Variants in CLNK observed in about 807,000 individuals in gnomAD.
CLNK encodes cytokine-dependent hematopoietic cell linker.
Under a neutral mutation model 68.6 loss-of-function variants are expected in CLNK, and 74 were observed. That is an observed-to-expected ratio of 1.08 (90% CI 0.89 to 1.31). The LOEUF (loss-of-function observed/expected upper bound fraction) is 1.31. Among genes scored for constraint, CLNK ranks in the 50% most tolerant of loss-of-function variants. The pLI is 0.00. For synonymous variants in CLNK, 198 were observed against 172.2 expected, an observed-to-expected ratio of 1.15 and a Z score of -1.17; for missense variants, 553 against 515.3, an observed-to-expected ratio of 1.07 and a Z score of -0.71.
intron 11 of CLNK, among the ~76,000 whole-genome samples, chr4:10,537,650 T>TCC (rs1718827704): frequency 1.8e-5 from 1 of 54,600 alleles, no homozygotes; most frequent in African/African-American, 7.9e-5. Flanking sequence ...TTTCTTTCTT[T>TCC]CTTTCTTTCT....
At chr4:10,634,278 T>C (rs1032686897) in intron 2 of CLNK, among the ~76,000 whole-genome samples, 2 of 152,120 alleles carry the variant, frequency 1.3e-5, no homozygotes, top group Non-Finnish European at 2.9e-5. Context: ...AAGTTTTGGA[T>C]ATAAAAGGAG....
the CLNK span, among the ~76,000 whole-genome samples, chr4:10,704,682 C>G: frequency 2.9e-4 from 44 of 152,270 alleles, no homozygotes; most frequent in African/African-American, 9.4e-4. Context: ...TTGATAGACT[C>G]TTTGTGCCCA....
At chr4:10,507,475 T>C (rs1226366480) in intron 17 of CLNK, among the ~76,000 whole-genome samples, 2 of 145,524 alleles carry the variant, frequency 1.4e-5, no homozygotes, top group African/African-American at 2.6e-5. Flanking sequence ...TTTATTTATT[T>C]ATTTTTGAGA....
intron 2 of CLNK, among the ~76,000 whole-genome samples, chr4:10,654,120 G>T (rs1723861947): frequency 6.6e-6 from 1 of 152,046 alleles, no homozygotes; most frequent in African/African-American, 2.4e-5. Flanking sequence ...CAAATGTGAT[G>T]CTAACCAGCA....
the CLNK span, among the ~76,000 whole-genome samples, chr4:10,724,266 C>T: frequency 1.3e-5 from 2 of 152,116 alleles, no homozygotes; most frequent in African/African-American, 4.8e-5. Flanking sequence ...TGCTGGATAC[C>T]TGCATGGATA....
chr4:10,534,046 A>G (rs939010222), intron 11 of CLNK, among the ~76,000 whole-genome samples: 1 of 152,226 alleles, frequency 6.6e-6, no homozygotes, highest in Non-Finnish European at 1.5e-5. Context: ...CAGTTTTACT[A>G]AGATTCTTTA....
At chr4:10,589,064 C>T (rs1405450782) in intron 3 of CLNK, among the ~76,000 whole-genome samples, 3 of 152,100 alleles carry the variant, frequency 2.0e-5, no homozygotes, top group Non-Finnish European at 4.4e-5. Flanking sequence ...TGAATTTTTG[C>T]TAAGAGAGTA....
chr4:10,715,895 G>C, the CLNK span, among the ~76,000 whole-genome samples: 1 of 152,300 alleles, frequency 6.6e-6, no homozygotes, highest in South Asian at 2.1e-4. Flanking sequence ...AATGCATTAA[G>C]AGCTCGTAGC....
chr4:10,637,663 T>C (rs1723146383), intron 2 of CLNK, among the ~76,000 whole-genome samples: 1 of 147,220 alleles, frequency 6.8e-6, no homozygotes, highest in Non-Finnish European at 1.5e-5. Context: ...GGTGTGATTT[T>C]GGCTCACTGC....
chr4:10,566,121 T>A lies in CLNK; in HGVS notation c.180A>T (p.Gly60=). The A allele has an allele frequency of 1.2e-6, 2 of 1,613,852 alleles. No homozygotes were observed. Among genetic ancestry groups the A allele is most frequent in the Non-Finnish European group, 1.7e-6 (2 of 1,179,832 alleles). The change falls in exon 6 of 19, where the codon GGA becomes GGT. Residue 60 remains glycine (G), a synonymous_variant. Transcript: ENST00000226951. ...AGTCATCATCACTGTGGCCTTTTGC[T>A]CCATCCAGGACTGCAGCAAAGTTTC... The part of the protein sequence containing the change: ...WERNFAAVLD[G]AKGHSDDDYD...
At chr4:10,612,806 A>G (rs938669997) in intron 2 of CLNK, among the ~76,000 whole-genome samples, 6 of 152,214 alleles carry the variant, frequency 3.9e-5, no homozygotes, top group Non-Finnish European at 8.8e-5. Context: ...CAATCATTAT[A>G]TCTCATCTGT....
At position 10,679,443 on chromosome 4, in the gene CLNK, G is replaced by C. The variant is rs944323895; in HGVS notation, c.-43+5225C>G. On this transcript the variant is annotated intron_variant, in intron 1 of 18. Transcript: ENST00000226951. ...AGAAAACCTAGGCAATACCATTCAG[G>C]ACATAGGCATGGGCAAGGACTTCAT... is the stretch of plus-strand genomic sequence containing the variant. Among the ~76,000 whole-genome samples, 14 of 152,250 alleles carry C rather than the reference G, an allele frequency of 9.2e-5. No individual in the cohort carries two copies. The East Asian group carries it at 2.7e-3, about 29-fold the overall frequency.
chr4:10,601,388 A>G (rs991172977), intron 2 of CLNK, among the ~76,000 whole-genome samples: 1 of 152,234 alleles, frequency 6.6e-6, no homozygotes, highest in Non-Finnish European at 1.5e-5. Context: ...AGGCTGGAAA[A>G]TAAAGAGCCA....
At chr4:10,628,694 C>T (rs1320443396) in intron 2 of CLNK, among the ~76,000 whole-genome samples, 2 of 152,118 alleles carry the variant, frequency 1.3e-5, no homozygotes, top group Non-Finnish European at 1.5e-5. Flanking sequence ...GCTCAGAAAC[C>T]GATACCCCAA....
chr4:10,522,052 A>T (rs1718092060), intron 14 of CLNK, among the ~76,000 whole-genome samples: 1 of 152,044 alleles, frequency 6.6e-6, no homozygotes, highest in African/African-American at 2.4e-5. Context: ...AGGTCAGGAG[A>T]TCGAGACCAT....
In CLNK at chr4:10,610,771, AACACACACACACACACACACAC is replaced by A. The variant is rs59809551; in HGVS notation, c.12-12744_12-12723del. 6.2e-5 allele frequency among the ~76,000 whole-genome samples: 9 copies of A among 144,600 alleles called. No individual in the cohort carries two copies. In the East Asian group the frequency reaches 8.3e-4, roughly 13 times the overall value. The allele number at this position is 144,600 out of a possible 152,430, so 94.9% of individuals were successfully genotyped here. ...GTGATAGAAAACAACATAAAAAAGC[AACACACACACACACACACACAC>A]ACACACACACACACACACACACACA... On this transcript the variant is annotated intron_variant, in intron 2 of 18. Coordinates refer to ENST00000226951, the MANE Select transcript of CLNK (RefSeq NM_052964.4).
At chr4:10,650,714 TA>T (rs897228958) in intron 2 of CLNK, among the ~76,000 whole-genome samples, 7 of 151,944 alleles carry the variant, frequency 4.6e-5, no homozygotes, top group African/African-American at 1.2e-4. Context: ...TGCTTTCATT[TA>T]AAAAAAATTC....
rs79775728 is a variant in CLNK at position 10,540,214 on chromosome 4, C to A, written c.602+280G>T. Reference sequence around the variant, plus strand: ...AGGGCTCTTCGCCATTTGCTTTGGACACAGGTTCTCTCACCTGCTGCCATG... The same window carrying A: ...AGGGCTCTTCGCCATTTGCTTTGGAAACAGGTTCTCTCACCTGCTGCCATG... On this transcript the variant is annotated intron_variant, in intron 11 of 18. Transcript: ENST00000226951. Among the ~76,000 whole-genome samples, 749 of 152,310 alleles carry A rather than the reference C, an allele frequency of 4.9e-3. 5 individuals are homozygous for A. Among genetic ancestry groups the A allele is most frequent in the African/African-American group, 0.018 (731 of 41,560 alleles).
intron 8 of CLNK, among the ~76,000 whole-genome samples, chr4:10,550,024 AC>A (rs1323686045): frequency 6.6e-6 from 1 of 152,188 alleles, no homozygotes; most frequent in Non-Finnish European, 1.5e-5. Context: ...TTATGGTGAA[AC>A]CATGAAGACA....
Sources: gnomAD v4.1 joint callset for allele counts (sites outside exome capture counted in the v4.1 genomes callset) on GRCh38, gnomAD v4.1.1 for gene constraint, MANE v1.5 for transcripts, NCBI Gene and HGNC (gene_info 2026-07-23, HGNC 2026-07-21) for gene names.